The following GCH1 variants were observed in gnomAD, a reference collection of about 807,000 sequenced individuals.
The protein encoded by GCH1 is GTP cyclohydrolase I.
In GCH1, 5 loss-of-function variants were observed where a neutral mutation model predicts 25.9. The observed-to-expected ratio is 0.19, with a 90% CI of 0.10 to 0.41. The LOEUF (loss-of-function observed/expected upper bound fraction) is 0.41, where lower values mean the gene tolerates loss of function less well. Ranked by LOEUF, GCH1 falls within the 10% of genes least tolerant of loss-of-function variation. The pLI is 1.00. For missense variants in GCH1, 261 were observed against 336.5 expected, an observed-to-expected ratio of 0.78 and a Z score of 1.75; for synonymous variants, 159 against 129.6, an observed-to-expected ratio of 1.23 and a Z score of -1.54.
In GCH1 at chr14:54,897,432, G is replaced by C. The variant is rs142955075; in HGVS notation, c.343+4889C>G. Among the ~76,000 whole-genome samples the C allele has an allele frequency of 5.4e-3, 815 of 152,070 alleles. 12 individuals are homozygous for C. Among genetic ancestry groups the C allele is most frequent in the African/African-American group, 0.019 (771 of 41,478 alleles). ...GCCTCCCAAGTAGCTGGGATTACAG[G>C]CATGCACCACCACACCTGGCTAATT... On this transcript the variant is annotated intron_variant, in intron 1 of 5. Coordinates refer to ENST00000491895, the MANE Select transcript of GCH1 (RefSeq NM_000161.3).
At chr14:54,890,423 G>C (rs1039345564) in intron 1 of GCH1, among the ~76,000 whole-genome samples, 1 of 152,164 alleles carries the variant, frequency 6.6e-6, no homozygotes, top group Non-Finnish European at 1.5e-5. Flanking sequence ...GCTTGAACCT[G>C]GGAGGTGGAG....
intron 1 of GCH1, among the ~76,000 whole-genome samples, chr14:54,880,072 C>T (rs139779681): frequency 0.019 from 2,751 of 147,900 alleles, 42 homozygotes; most frequent in South Asian, 0.048. Flanking sequence ...AACCCGGAGG[C>T]GGAGGTTGCA....
chr14:54,883,443 G>A (rs985979911), intron 1 of GCH1, among the ~76,000 whole-genome samples: 2 of 150,274 alleles, frequency 1.3e-5, no homozygotes, highest in Non-Finnish European at 3.0e-5. Context: ...ACTTTGGGAG[G>A]CCGAGGCAGG....
At chr14:54,851,933 T>C (rs1297981262) in intron 3 of GCH1, among the ~76,000 whole-genome samples, 2 of 152,214 alleles carry the variant, frequency 1.3e-5, no homozygotes, top group East Asian at 1.9e-4. Flanking sequence ...CATATGTTTA[T>C]TGCAGCACTA....
At chr14:54,860,315 A>T (rs1032160577) in intron 2 of GCH1, among the ~76,000 whole-genome samples, 1 of 152,286 alleles carries the variant, frequency 6.6e-6, no homozygotes, top group East Asian at 1.9e-4. Flanking sequence ...TCTCAAGGAA[A>T]GGCAAATGAT....
At chr14:54,897,587 C>CTACTCCACTTTTTT (rs1383377668) in intron 1 of GCH1, among the ~76,000 whole-genome samples, 4 of 152,048 alleles carry the variant, frequency 2.6e-5, no homozygotes, top group Admixed American at 2.6e-4. Flanking sequence ...CCGCGCCCGG[C>CTACTCCACTTTTTT]TACTCCACTT....
intron 1 of GCH1, among the ~76,000 whole-genome samples, chr14:54,876,928 A>C (rs140576098): frequency 2.0e-5 from 3 of 152,326 alleles, no homozygotes; most frequent in African/African-American, 7.2e-5. Flanking sequence ...TGACCTTGGA[A>C]TCATGTAAAT....
chr14:54,891,342 A>G (rs1200648891), intron 1 of GCH1, among the ~76,000 whole-genome samples: 6 of 151,172 alleles, frequency 4.0e-5, no homozygotes, highest in African/African-American at 7.3e-5. Context: ...CTGACCTCAA[A>G]TGATACGCCC....
At chr14:54,858,524 G>C (rs2039847562) in intron 3 of GCH1, among the ~76,000 whole-genome samples, 1 of 151,870 alleles carries the variant, frequency 6.6e-6, no homozygotes, top group South Asian at 2.1e-4. Context: ...GACCTCAAGT[G>C]ATCCGCCCGC....
Position 54,880,753 on chromosome 14 carries a change from TC to T in GCH1, c.344-15318del, listed in dbSNP as rs1387146990. ...ATATATATACTCCATATATATATACTCCATATATATATATATACTCCATATA... is the reference window on the plus strand; with the variant it reads ...ATATATATACTCCATATATATATACTCATATATATATATATACTCCATATA... On this transcript the variant is annotated intron_variant, in intron 1 of 5. Transcript: ENST00000491895. Among the ~76,000 whole-genome samples the T allele has an allele frequency of 1.3e-4, 8 of 61,102 alleles. 1 individual carries two copies. Among genetic ancestry groups the T allele is most frequent in the African/African-American group, 6.6e-4 (7 of 10,544 alleles). The allele number at this position is 61,102 out of a possible 152,430, so 40.1% of individuals were successfully genotyped here. A position where few individuals can be genotyped will look rare whatever the true frequency, so the allele number is the denominator to read the frequency against.
intron 1 of GCH1, among the ~76,000 whole-genome samples, chr14:54,872,963 G>A (rs1306566915): frequency 6.6e-6 from 1 of 151,328 alleles, no homozygotes; most frequent in African/African-American, 2.5e-5. Flanking sequence ...AAGTTAACAA[G>A]GATATCCAGG....
At chr14:54,877,493 G>C (rs752620517) in intron 1 of GCH1, among the ~76,000 whole-genome samples, 1 of 151,952 alleles carries the variant, frequency 6.6e-6, no homozygotes, top group Non-Finnish European at 1.5e-5. Flanking sequence ...ACAAGCCCAA[G>C]TGCTTTTTTT....
intron 1 of GCH1, among the ~76,000 whole-genome samples, chr14:54,879,667 C>G (rs2040215344): frequency 6.6e-6 from 1 of 151,970 alleles, no homozygotes; most frequent in Non-Finnish European, 1.5e-5. Flanking sequence ...AACAATGTTA[C>G]ATGTTGTTTG....
intron 1 of GCH1, among the ~76,000 whole-genome samples, chr14:54,873,875 C>T (rs1226174000): frequency 6.6e-6 from 1 of 152,130 alleles, no homozygotes; most frequent in East Asian, 1.9e-4. Flanking sequence ...CCAAAAAAAT[C>T]CAGGACCAGA....
At chr14:54,873,720 T>C (rs1053067622) in intron 1 of GCH1, among the ~76,000 whole-genome samples, 14 of 152,170 alleles carry the variant, frequency 9.2e-5, no homozygotes, top group African/African-American at 3.4e-4. Context: ...TAAACACCTC[T>C]ATGCAAATAA....
At chr14:54,880,928 G>A (rs1336384507) in intron 1 of GCH1, among the ~76,000 whole-genome samples, 5 of 149,188 alleles carry the variant, frequency 3.4e-5, no homozygotes, top group Non-Finnish European at 7.4e-5. Flanking sequence ...AGCTTCAAGC[G>A]ATTCTCCTGC....
chr14:54,901,222 CTTT>C (rs1323835871), intron 1 of GCH1, among the ~76,000 whole-genome samples: 4 of 152,196 alleles, frequency 2.6e-5, no homozygotes, highest in African/African-American at 4.8e-5. Flanking sequence ...GGGAGATTGC[CTTT>C]CCAGCGCACT....
rs41298438 is a variant in GCH1 at position 54,843,924 on chromosome 14, C to T, written c.*93G>A. The T allele has an allele frequency of 2.3e-3, 3,744 of 1,612,534 alleles. 9 individuals carry two copies. Among genetic ancestry groups the T allele is most frequent in the Non-Finnish European group, 2.5e-3 (2,907 of 1,179,108 alleles). On this transcript the variant is annotated 3_prime_UTR_variant, in exon 6 of 6. Transcript: ENST00000491895. ...CAAGGAATAAAGTTCACATCTGTAA[C>T]AATTGAAAATGGAATGTACAAACAA... is the stretch of plus-strand genomic sequence containing the variant.
intron 4 of GCH1, 114 bp downstream of exon 4, chr14:54,846,985 G>A (rs1323280098): frequency 2.0e-6 from 1 of 491,918 alleles, no homozygotes; most frequent in African/African-American, 2.0e-5. Flanking sequence ...AGCCGAGATT[G>A]CACCACTGCA....
Sources: gnomAD v4.1 joint callset for allele counts (sites outside exome capture counted in the v4.1 genomes callset) on GRCh38, gnomAD v4.1.1 for gene constraint, MANE v1.5 for transcripts, NCBI Gene and HGNC (gene_info 2026-07-23, HGNC 2026-07-21) for gene names.